The following SWT1 variants were observed in gnomAD, a reference collection of about 807,000 sequenced individuals.
SWT1 encodes transcriptional protein SWT1.
Under a neutral mutation model 107.3 loss-of-function variants are expected in SWT1, and 33 were observed. The ratio of observed to expected loss-of-function variants is 0.31; its 90% CI spans 0.23 to 0.41. The LOEUF (loss-of-function observed/expected upper bound fraction) is 0.41, where lower values mean the gene tolerates loss of function less well. Among genes scored for constraint, SWT1 ranks in the 10% least tolerant of loss-of-function variants. SWT1 has a pLI of 1.00. For synonymous variants in SWT1, 345 were observed against 348.3 expected (o/e 0.99, Z 0.11); for missense variants, 898 against 1,028.9 (o/e 0.87, Z 1.74).
At chr1:185,261,547 A>G (rs1303410515) in intron 16 of SWT1, among the ~76,000 whole-genome samples, 1 of 152,036 alleles carries the variant, frequency 6.6e-6, no homozygotes, top group African/African-American at 2.4e-5. Context: ...TGGTAATCCT[A>G]TTTTTAATAT....
rs58809696 is a variant in SWT1 at position 185,168,322 on chromosome 1, T to TAAATGATAGAC, written c.166-18_166-17insAAATGATAGAC. On this transcript the variant is annotated splice_polypyrimidine_tract_variant and intron_variant, in intron 3 of 18. Transcript: ENST00000367500. Reference sequence around the variant, plus strand: ...GTACCAGTGCACAATTTATGTGTCCTTTTTTTATTTATTTCAGAAATCAGA... The same window carrying TAAATGATAGAC: ...GTACCAGTGCACAATTTATGTGTCCTAAATGATAGACTTTTTTATTTATTTCAGAAATCAGA... 430,102 of 1,230,800 alleles carry TAAATGATAGAC rather than the reference T, an allele frequency of 0.35. 93,489 individuals are homozygous for TAAATGATAGAC. The highest frequency in any genetic ancestry group is 0.73 in the African/African-American group (43,820 of 59,760). 76.2% of individuals were successfully genotyped at this position (1,230,800 alleles called of 1,614,324 possible).
chr1:185,261,652 A>AC (rs770301537), intron 16 of SWT1, among the ~76,000 whole-genome samples: 15 of 146,076 alleles, frequency 1.0e-4, no homozygotes, highest in Non-Finnish European at 2.1e-4. Flanking sequence ...CCACATCCTC[A>AC]CCAATGCCTG....
At chr1:185,258,897 C>T (rs1662824447) in intron 16 of SWT1, among the ~76,000 whole-genome samples, 1 of 152,118 alleles carries the variant, frequency 6.6e-6, no homozygotes, top group Non-Finnish European at 1.5e-5. Flanking sequence ...TAGTGCCTCT[C>T]TACCATTCTC....
chr1:185,185,628 C>T (rs909343205), intron 9 of SWT1, among the ~76,000 whole-genome samples: 1 of 152,000 alleles, frequency 6.6e-6, no homozygotes, highest in Non-Finnish European at 1.5e-5. Flanking sequence ...TTAAATACCA[C>T]GGATTTGTAC....
chr1:185,185,003 T>G (rs1656330604), intron 9 of SWT1, 72 bp downstream of exon 9: 1 of 1,103,334 alleles, frequency 9.1e-7, no homozygotes, highest in Non-Finnish European at 1.2e-6. Context: ...TGGAGGGAAA[T>G]GGTGCAAAAC....
At chr1:185,213,392 A>T (rs1025831842) in intron 13 of SWT1, among the ~76,000 whole-genome samples, 7 of 152,262 alleles carry the variant, frequency 4.6e-5, no homozygotes, top group African/African-American at 1.7e-4. Context: ...CTTTATTATT[A>T]TTTTTTATAT....
intron 15 of SWT1, among the ~76,000 whole-genome samples, chr1:185,222,440 A>G (rs1659728465): frequency 6.6e-6 from 1 of 151,980 alleles, no homozygotes; most frequent in South Asian, 2.1e-4. Context: ...CAGCTCATGC[A>G]TTTATCATGA....
Position 185,166,559 on chromosome 1 carries a change from A to G in SWT1, c.85-13A>G. The G allele has an allele frequency of 6.5e-7, 1 of 1,540,402 alleles. No individual in the cohort carries two copies. Among genetic ancestry groups the G allele is most frequent in the Non-Finnish European group, 8.9e-7 (1 of 1,123,206 alleles). ...GTGCTTTTTAAAATTCATTTTCTTTATTGCATTCTTAGGACAAGAAAGAGA... is the reference window on the plus strand; with the variant it reads ...GTGCTTTTTAAAATTCATTTTCTTTGTTGCATTCTTAGGACAAGAAAGAGA... On this transcript the variant is annotated splice_polypyrimidine_tract_variant and intron_variant, in intron 2 of 18. Coordinates refer to ENST00000367500, the MANE Select transcript of SWT1 (RefSeq NM_017673.7).
intron 16 of SWT1, among the ~76,000 whole-genome samples, chr1:185,236,583 G>A (rs983083682): frequency 1.3e-5 from 2 of 152,134 alleles, no homozygotes; most frequent in African/African-American, 2.4e-5. Flanking sequence ...AGGGATTAAA[G>A]ACTTAAACAT....
At chr1:185,173,392 A>G (rs1348990831) in intron 4 of SWT1, among the ~76,000 whole-genome samples, 2 of 151,996 alleles carry the variant, frequency 1.3e-5, no homozygotes, top group African/African-American at 2.4e-5. Context: ...AAGTTTGGGA[A>G]GTTCTCTATT....
chr1:185,160,877 A>G lies in SWT1; in HGVS notation c.36A>G (p.Thr12=), dbSNP rs1290002247. The part of the protein sequence containing the change: ...SSKESCGKKE[T]SQRKDTTTSS... ...AAGAATCCTGTGGGAAAAAAGAGAC[A>G]TCTCAGAGGAAAGACACCACCACCT... The change falls in exon 2 of 19, where the codon ACA becomes ACG. Residue 12 remains threonine (T), a synonymous_variant. Coordinates refer to ENST00000367500, the MANE Select transcript of SWT1 (RefSeq NM_017673.7). The G allele has an allele frequency of 1.6e-5, 26 of 1,613,342 alleles. No individual in the cohort carries two copies. Among genetic ancestry groups the G allele is most frequent in the Non-Finnish European group, 2.2e-5 (26 of 1,179,716 alleles).
intron 9 of SWT1, among the ~76,000 whole-genome samples, chr1:185,190,070 ACTC>A (rs1656823289): frequency 6.6e-6 from 1 of 151,906 alleles, no homozygotes; most frequent in South Asian, 2.1e-4. Flanking sequence ...CCGGTCTCGA[ACTC>A]CTGACCTCAA....
intron 14 of SWT1, among the ~76,000 whole-genome samples, chr1:185,216,716 C>T (rs771872041): frequency 2.0e-5 from 3 of 152,030 alleles, no homozygotes; most frequent in Non-Finnish European, 4.4e-5. Flanking sequence ...CTTTGGGAGG[C>T]TGAGTTGGGT....
At chr1:185,203,854 C>G (rs1238415404) in intron 11 of SWT1, among the ~76,000 whole-genome samples, 2 of 151,832 alleles carry the variant, frequency 1.3e-5, no homozygotes, top group Non-Finnish European at 2.9e-5. Flanking sequence ...CTTATTTACC[C>G]TTTTTGGAAA....
intron 1 of SWT1, among the ~76,000 whole-genome samples, chr1:185,158,948 A>G (rs1441632560): frequency 6.6e-6 from 1 of 152,194 alleles, no homozygotes. Context: ...GTGCAGGATC[A>G]TCAGCTTCAA....
intron 5 of SWT1, among the ~76,000 whole-genome samples, chr1:185,176,191 G>A (rs1009548651): frequency 6.7e-6 from 1 of 149,574 alleles, no homozygotes; most frequent in African/African-American, 2.5e-5. Flanking sequence ...AGGTGACTGA[G>A]GTGGGAGGAT....
At chr1:185,164,814 A>G (rs983855884) in intron 2 of SWT1, among the ~76,000 whole-genome samples, 30 of 152,306 alleles carry the variant, frequency 2.0e-4, no homozygotes, top group Middle Eastern at 3.4e-3. Context: ...TATCAGTAAT[A>G]GGGCTGTTTT....
chr1:185,245,752 T>A (rs899402151), intron 16 of SWT1, among the ~76,000 whole-genome samples: 1 of 152,094 alleles, frequency 6.6e-6, no homozygotes, highest in African/African-American at 2.4e-5. Context: ...TTTCCACTCT[T>A]GCTGATAATC....
At chr1:185,178,653 G>A (rs1435719794) in intron 5 of SWT1, among the ~76,000 whole-genome samples, 1 of 152,126 alleles carries the variant, frequency 6.6e-6, no homozygotes, top group Non-Finnish European at 1.5e-5. Context: ...AGAGAGCAAA[G>A]GGTAATAGTA....
Sources: allele counts gnomAD v4.1 joint callset (sites outside exome capture counted in the v4.1 genomes callset), GRCh38; gene constraint gnomAD v4.1.1; transcripts MANE v1.5; gene names NCBI Gene and HGNC (gene_info 2026-07-23, HGNC 2026-07-21).